The following ASIC2 variants were observed in gnomAD, a reference collection of about 807,000 sequenced individuals.
The protein encoded by ASIC2 is acid sensing ion channel subunit 2.
In ASIC2, 25 loss-of-function variants were observed where a neutral mutation model predicts 57.3. The ratio of observed to expected loss-of-function variants is 0.44; its 90% CI spans 0.32 to 0.61. ASIC2 has a LOEUF of 0.61. ASIC2 is among the 20% of genes least tolerant of loss of function. ASIC2 has a pLI of 0.06. For synonymous variants in ASIC2, 319 were observed against 307.5 expected (o/e 1.04, Z -0.39); for missense variants, 641 against 738.1 (o/e 0.87, Z 1.52).
At chr17:33,398,442 G>T (rs1910158189) in intron 1 of ASIC2, among the ~76,000 whole-genome samples, 1 of 152,164 alleles carries the variant, frequency 6.6e-6, no homozygotes, top group South Asian at 2.1e-4. Flanking sequence ...AGACAGCATT[G>T]GGCCTCTTGG....
At chr17:33,147,067 C>T (rs1404997962) in intron 1 of ASIC2, among the ~76,000 whole-genome samples, 1 of 152,176 alleles carries the variant, frequency 6.6e-6, no homozygotes, top group African/African-American at 2.4e-5. Flanking sequence ...TATTCCACAT[C>T]TGAAGTAAGA....
chr17:33,386,003 G>A (rs1340113111), intron 1 of ASIC2, among the ~76,000 whole-genome samples: 5 of 152,154 alleles, frequency 3.3e-5, no homozygotes, highest in Non-Finnish European at 7.4e-5. Flanking sequence ...CTCTACCTTG[G>A]CAGTTGTCTG....
chr17:33,179,203 A>G (rs748382494), intron 1 of ASIC2, among the ~76,000 whole-genome samples: 1 of 152,222 alleles, frequency 6.6e-6, no homozygotes, highest in Non-Finnish European at 1.5e-5. Context: ...TTTTAATGGA[A>G]GGAAACCAGC....
At chr17:33,157,865 C>T (rs1019120014) in intron 1 of ASIC2, among the ~76,000 whole-genome samples, 5 of 152,228 alleles carry the variant, frequency 3.3e-5, no homozygotes, top group African/African-American at 4.8e-5. Context: ...CCTGTACTGC[C>T]CTGCAAAAGG....
At chr17:34,039,212 C>G in intron 1 of ASIC2, 1 of 1,613,922 alleles carries the variant, frequency 6.2e-7, no homozygotes, top group Non-Finnish European at 8.5e-7. Flanking sequence ...TTACTGTTTT[C>G]TAGTGCAGAT....
At chr17:33,541,195 T>C (rs1915398763) in intron 1 of ASIC2, 1 of 152,176 alleles carries the variant, frequency 6.6e-6, no homozygotes, top group South Asian at 2.1e-4. Flanking sequence ...AATCCCAACA[T>C]TGTTAGAGCT....
chr17:33,155,693 G>A (rs1904978279), intron 1 of ASIC2, among the ~76,000 whole-genome samples: 1 of 151,580 alleles, frequency 6.6e-6, no homozygotes, highest in Non-Finnish European at 1.5e-5. Flanking sequence ...TCGAGTAGCT[G>A]GGATTACAGG....
chr17:33,330,691 C>T (rs751631145), intron 1 of ASIC2, among the ~76,000 whole-genome samples: 1 of 152,034 alleles, frequency 6.6e-6, no homozygotes, highest in African/African-American at 2.4e-5. Context: ...GCATTGTGCT[C>T]TTGCTGCTTC....
chr17:34,041,915 A>G (rs1908147951), intron 1 of ASIC2, among the ~76,000 whole-genome samples: 1 of 152,214 alleles, frequency 6.6e-6, no homozygotes, highest in South Asian at 2.1e-4. Context: ...CTTATGACCA[A>G]GGAATTATTC....
At chr17:33,432,127 G>A (rs939182307) in intron 1 of ASIC2, among the ~76,000 whole-genome samples, 5 of 152,176 alleles carry the variant, frequency 3.3e-5, no homozygotes, top group Non-Finnish European at 5.9e-5. Context: ...CCAGTAATAC[G>A]TAGATTTTCT....
At chr17:33,333,760 C>T (rs924801452) in intron 1 of ASIC2, among the ~76,000 whole-genome samples, 1 of 152,088 alleles carries the variant, frequency 6.6e-6, no homozygotes, top group Non-Finnish European at 1.5e-5. Context: ...TCTGCCTGTG[C>T]CTATAGGCTC....
chr17:33,899,318 G>A (rs933280717), intron 1 of ASIC2, among the ~76,000 whole-genome samples: 1 of 152,128 alleles, frequency 6.6e-6, no homozygotes, highest in African/African-American at 2.4e-5. Context: ...ACCGTGGGGT[G>A]GACCCCTGGA....
At chr17:33,495,552 T>C (rs2141937691) in intron 1 of ASIC2, among the ~76,000 whole-genome samples, 1 of 152,298 alleles carries the variant, frequency 6.6e-6, no homozygotes, top group Middle Eastern at 3.4e-3. Flanking sequence ...CAGATTGATC[T>C]TGCGTGCCTG....
At position 33,303,785 on chromosome 17, in the gene ASIC2, T is replaced by C. The variant is rs113160002; in HGVS notation, c.556-191718A>G. 6.4e-3 allele frequency among the ~76,000 whole-genome samples: 979 copies of C among 152,346 alleles called. 8 individuals carry two copies. The highest frequency in any genetic ancestry group is 0.022 in the African/African-American group (913 of 41,566). ...CTCCTTTTAAATCAATACTTTCCTTTTCCCAGCAGTGCTTACGTTTATTCA... is the reference window on the plus strand; with the variant it reads ...CTCCTTTTAAATCAATACTTTCCTTCTCCCAGCAGTGCTTACGTTTATTCA... On this transcript the variant is annotated intron_variant, in intron 1 of 9. Transcript: ENST00000359872.
intron 2 of ASIC2, among the ~76,000 whole-genome samples, chr17:33,106,516 G>A (rs1408660856): frequency 6.6e-6 from 1 of 152,158 alleles, no homozygotes; most frequent in African/African-American, 2.4e-5. Context: ...ACGGATTCCG[G>A]TTTCCTCAGA....
rs76440774 is a variant in ASIC2 at position 33,146,423 on chromosome 17, C to T, written c.709-34356G>A. Among the ~76,000 whole-genome samples the T allele has an allele frequency of 3.5e-3, 536 of 152,274 alleles. 18 individuals carry two copies. The East Asian group carries it at 0.08, about 23-fold the overall frequency. ...AGGTGGCAGAGTGGGGTTTGAAGCC[C>T]ACTTGGCTGGCTGCGGACCTATTCT... On this transcript the variant is annotated intron_variant, in intron 1 of 9. Transcript: ENST00000225823.
chr17:33,076,745 C>T (rs1456432481), intron 3 of ASIC2, among the ~76,000 whole-genome samples: 1 of 152,194 alleles, frequency 6.6e-6, no homozygotes, highest in African/African-American at 2.4e-5. Context: ...AAGGGATCTC[C>T]AAATCTTCCT....
At chr17:33,137,725 C>T (rs1239366813) in intron 1 of ASIC2, among the ~76,000 whole-genome samples, 1 of 152,150 alleles carries the variant, frequency 6.6e-6, no homozygotes, top group East Asian at 1.9e-4. Flanking sequence ...AGTCACTATT[C>T]TCAGGAAGTG....
intron 1 of ASIC2, among the ~76,000 whole-genome samples, chr17:33,463,808 G>A (rs961227596): frequency 1.3e-5 from 2 of 152,174 alleles, no homozygotes; most frequent in African/African-American, 2.4e-5. Context: ...TGATACCACT[G>A]CTCATACTGT....
Sources: allele counts gnomAD v4.1 joint callset (sites outside exome capture counted in the v4.1 genomes callset), GRCh38; gene constraint gnomAD v4.1.1; transcripts MANE v1.5; gene names NCBI Gene and HGNC (gene_info 2026-07-23, HGNC 2026-07-21).